Variants in GLDC observed in about 807,000 individuals in gnomAD.
GLDC encodes glycine dehydrogenase (decarboxylating), mitochondrial.
Under a neutral mutation model 121.3 loss-of-function variants are expected in GLDC, and 104 were observed. The observed-to-expected ratio is 0.86, with a 90% CI of 0.73 to 1.01. GLDC has a LOEUF of 1.01. Ranked by LOEUF, GLDC falls within the 50% of genes least tolerant of loss-of-function variation. GLDC has a pLI of 0.00. For synonymous variants in GLDC, 546 were observed against 480.6 expected, an observed-to-expected ratio of 1.14 and a Z score of -1.78; for missense variants, 1,429 against 1,306.6, an observed-to-expected ratio of 1.09 and a Z score of -1.44.
At chr9:6,610,908 A>G (rs1023884021) in intron 3 of GLDC, among the ~76,000 whole-genome samples, 1 of 152,216 alleles carries the variant, frequency 6.6e-6, no homozygotes, top group Non-Finnish European at 1.5e-5. Context: ...GGCTACCTAT[A>G]ATATCATAAA....
chr9:6,645,205 G>A (rs1819717431), intron 1 of GLDC, 40 bp downstream of exon 1: 1 of 1,543,626 alleles, frequency 6.5e-7, no homozygotes, highest in Non-Finnish European at 8.7e-7. Flanking sequence ...CCCGGGCAGG[G>A]CGGAGGGGAG....
chr9:6,546,991 T>C (rs1008398432), intron 21 of GLDC, among the ~76,000 whole-genome samples: 5 of 151,830 alleles, frequency 3.3e-5, no homozygotes, highest in Non-Finnish European at 5.9e-5. Context: ...ATAATAATGA[T>C]AAGAAGCATT....
chr9:6,550,519 C>T (rs1587920012), intron 21 of GLDC, among the ~76,000 whole-genome samples: 1 of 151,898 alleles, frequency 6.6e-6, no homozygotes, highest in Non-Finnish European at 1.5e-5. Flanking sequence ...CCCAGCTACT[C>T]GGGAGGCTGA....
intron 15 of GLDC, among the ~76,000 whole-genome samples, chr9:6,583,917 T>C (rs1011114121): frequency 6.6e-6 from 1 of 152,164 alleles, no homozygotes; most frequent in Non-Finnish European, 1.5e-5. Flanking sequence ...AGCTTGAATT[T>C]GAGAAAATCA....
chr9:6,629,610 AACAC>A (rs34056367), intron 2 of GLDC, among the ~76,000 whole-genome samples: 3 of 150,734 alleles, frequency 2.0e-5, no homozygotes, highest in African/African-American at 2.4e-5. Context: ...GCTACAACTA[AACAC>A]ACACACACAC....
At chr9:6,626,200 G>T (rs1819233893) in intron 2 of GLDC, among the ~76,000 whole-genome samples, 1 of 151,716 alleles carries the variant, frequency 6.6e-6, no homozygotes, top group Non-Finnish European at 1.5e-5. Context: ...GAAAGGTAGG[G>T]TTAAAGTTTT....
chr9:6,621,131 C>T (rs1200780322), intron 2 of GLDC, among the ~76,000 whole-genome samples: 1 of 152,182 alleles, frequency 6.6e-6, no homozygotes, highest in Non-Finnish European at 1.5e-5. Flanking sequence ...GATGGCGCCG[C>T]TGCACTCAAA....
intron 21 of GLDC, among the ~76,000 whole-genome samples, chr9:6,548,652 A>G (rs1383623251): frequency 6.6e-6 from 1 of 152,146 alleles, no homozygotes; most frequent in African/African-American, 2.4e-5. Context: ...AAGATCCCAT[A>G]AGCGCTTTGT....
At chr9:6,592,046 C>T in intron 11 of GLDC, 97 bp downstream of exon 11, 1 of 789,608 alleles carries the variant, frequency 1.3e-6, no homozygotes, top group Non-Finnish European at 2.3e-6. Context: ...ACCAGTGTCA[C>T]ACTTGGGCCC....
At chr9:6,555,240 G>A (rs1014763747) in intron 18 of GLDC, among the ~76,000 whole-genome samples, 4 of 152,210 alleles carry the variant, frequency 2.6e-5, no homozygotes, top group African/African-American at 9.7e-5. Flanking sequence ...AGGGGCTGCG[G>A]GGGCACCAGG....
intron 2 of GLDC, among the ~76,000 whole-genome samples, chr9:6,630,258 G>C (rs1029243302): frequency 6.6e-6 from 1 of 151,906 alleles, no homozygotes; most frequent in Admixed American, 6.6e-5. Flanking sequence ...GACAAAGCGA[G>C]ACTCTGTCTC....
intron 5 of GLDC, chr9:6,606,029 C>CG (rs1361368946): frequency 2.5e-5 from 4 of 157,152 alleles, no homozygotes; most frequent in African/African-American, 9.7e-5. Flanking sequence ...CAAAACGGGC[C>CG]GGGCGCAGTG....
Position 6,638,923 on chromosome 9 carries a change from C to T in GLDC, c.334+5691G>A, listed in dbSNP as rs367725659. Among the ~76,000 whole-genome samples, 20 of 151,968 alleles carry T rather than the reference C, an allele frequency of 1.3e-4. No homozygotes were observed. In the East Asian group the frequency reaches 3.7e-3, roughly 28 times the overall value. On this transcript the variant is annotated intron_variant, in intron 2 of 24. Coordinates refer to ENST00000321612, the MANE Select transcript of GLDC (RefSeq NM_000170.3). ...ACTCGGGAGGCTCAGGCAGGAGAAT[C>T]GCTTGAACCCAGGAGGCAGAGGTTG...
intron 21 of GLDC, among the ~76,000 whole-genome samples, chr9:6,543,170 G>T (rs1435429709): frequency 6.7e-6 from 1 of 150,346 alleles, no homozygotes; most frequent in African/African-American, 2.4e-5. Flanking sequence ...AGCTACTTGG[G>T]AGGCTGAGGT....
chr9:6,631,276 G>A (rs991775404), intron 2 of GLDC, among the ~76,000 whole-genome samples: 4 of 152,170 alleles, frequency 2.6e-5, no homozygotes, highest in African/African-American at 7.2e-5. Context: ...AGGAGCTGAG[G>A]CGTGTCCCAT....
intron 2 of GLDC, among the ~76,000 whole-genome samples, chr9:6,632,994 T>TC (rs1819420672): frequency 6.6e-6 from 1 of 151,888 alleles, no homozygotes; most frequent in African/African-American, 2.4e-5. Context: ...TGCAGACCGA[T>TC]CAAGGGTCCT....
At chr9:6,612,120 T>C (rs1042632457) in intron 3 of GLDC, among the ~76,000 whole-genome samples, 1 of 152,054 alleles carries the variant, frequency 6.6e-6, no homozygotes, top group Non-Finnish European at 1.5e-5. Flanking sequence ...TCTGGCAAAC[T>C]AATTTACAGT....
At chr9:6,551,599 T>A (rs1817516066) in intron 20 of GLDC, among the ~76,000 whole-genome samples, 1 of 152,190 alleles carries the variant, frequency 6.6e-6, no homozygotes, top group South Asian at 2.1e-4. Flanking sequence ...TACTTTGGTA[T>A]CATTAAGGGG....
chr9:6,622,432 C>G lies in GLDC; in HGVS notation c.335-2113G>C, dbSNP rs35003488. On this transcript the variant is annotated intron_variant, in intron 2 of 24. Transcript: ENST00000321612. ...GGTTTTCGTATTTTTTTGGTGGAGA[C>G]GGGGTTTCCCTGTGTTGGCCGGGCT... Among the ~76,000 whole-genome samples, 41 of 149,446 alleles carry G rather than the reference C, an allele frequency of 2.7e-4. 1 individual carries two copies. Among genetic ancestry groups the G allele is most frequent in the Non-Finnish European group, 7.4e-5 (5 of 67,516 alleles).
Sources: gnomAD v4.1 joint callset for allele counts (sites outside exome capture counted in the v4.1 genomes callset) on GRCh38, gnomAD v4.1.1 for gene constraint, MANE v1.5 for transcripts, NCBI Gene and HGNC (gene_info 2026-07-23, HGNC 2026-07-21) for gene names.